Variants in ATP10A observed in about 807,000 individuals in gnomAD.
ATP10A encodes the protein ATPase phospholipid transporting 10A (putative).
Under a neutral mutation model 147.8 loss-of-function variants are expected in ATP10A, and 111 were observed. The observed-to-expected ratio is 0.75, with a 90% CI of 0.64 to 0.88. The LOEUF (loss-of-function observed/expected upper bound fraction) is 0.88. Among genes scored for constraint, ATP10A ranks in the 40% least tolerant of loss-of-function variants. The probability of loss-of-function intolerance (pLI) is 0.00; values close to 1 mark genes in which losing one functional copy is unlikely to be tolerated. For missense variants in ATP10A, 1,927 were observed against 1,959.0 expected, an observed-to-expected ratio of 0.98 and a Z score of 0.31; for synonymous variants, 875 against 841.6, an observed-to-expected ratio of 1.04 and a Z score of -0.69.
intron 1 of ATP10A, among the ~76,000 whole-genome samples, chr15:25,861,532 T>A (rs1893759268): frequency 6.6e-6 from 1 of 152,136 alleles, no homozygotes; most frequent in Non-Finnish European, 1.5e-5. Flanking sequence ...AAGCTATGAG[T>A]GCCTGTGTCT....
rs190796069 is a variant in ATP10A at position 25,761,124 on chromosome 15, C to A, written c.654+19895G>T. Among the ~76,000 whole-genome samples, 10 of 152,292 alleles carry A rather than the reference C, an allele frequency of 6.6e-5. No individual in the cohort carries two copies. The East Asian group carries it at 1.7e-3, about 26-fold the overall frequency. On this transcript the variant is annotated intron_variant, in intron 2 of 20. Coordinates refer to ENST00000555815, the MANE Select transcript of ATP10A (RefSeq NM_024490.4). ...AAAAGAAATAAACTATGAATACCTA[C>A]AACTTGGATAAATCTCAAAATATTT...
chr15:25,695,456 G>A (rs919650267), intron 13 of ATP10A, among the ~76,000 whole-genome samples: 20 of 151,982 alleles, frequency 1.3e-4, no homozygotes, highest in African/African-American at 4.6e-4. Context: ...GTGAAACCCC[G>A]TCTCTACTAA....
intron 1 of ATP10A, among the ~76,000 whole-genome samples, chr15:25,829,156 T>G (rs1892245612): frequency 6.6e-6 from 1 of 152,134 alleles, no homozygotes. Flanking sequence ...ATTAAAATAA[T>G]GTGGTGAAAA....
intron 3 of ATP10A, 35 bp from the exon 4 acceptor site, chr15:25,727,301 G>T: frequency 6.5e-7 from 1 of 1,538,168 alleles, no homozygotes; most frequent in Non-Finnish European, 9.0e-7. Flanking sequence ...TCACGTGGTT[G>T]CAGGCCTGTG....
intron 2 of ATP10A, among the ~76,000 whole-genome samples, chr15:25,780,283 C>T (rs1029123361): frequency 6.6e-6 from 1 of 152,244 alleles, no homozygotes; most frequent in Admixed American, 6.5e-5. Context: ...CCGACTCAGA[C>T]TTGCTGTCTA....
chr15:25,706,831 A>G lies in ATP10A; in HGVS notation c.2575+1145T>C, dbSNP rs537259063. Among the ~76,000 whole-genome samples, 29 of 152,350 alleles carry G rather than the reference A, an allele frequency of 1.9e-4. No homozygotes were observed. In the South Asian group the frequency reaches 6.0e-3, roughly 32 times the overall value. On this transcript the variant is annotated intron_variant, in intron 12 of 20. Transcript: ENST00000555815. ...TGAAGGGTTAAAAACAAGCCTGGTC[A>G]ATGAGGCTGGGCGGGCACGTCTGGG... is the stretch of plus-strand genomic sequence containing the variant.
At position 25,713,926 on chromosome 15, in the gene ATP10A, G is replaced by C; in HGVS notation, c.2092C>G (p.Pro698Ala). ...GCATACACCAGTGCGGCCTCATCCG[G>C]GCTCTCCGCCTCGTACCGCAGCTCG... is the stretch of plus-strand genomic sequence containing the variant. ...ERELRYEAES[P>A]DEAALVYAAR... Residue 698 changes from proline to alanine, a missense_variant, in exon 10 of 21, where the codon CCG (proline) becomes GCG (alanine). Transcript: ENST00000555815. 1 of 1,612,458 alleles carries C rather than the reference G, an allele frequency of 6.2e-7. No homozygotes were observed. Among genetic ancestry groups the C allele is most frequent in the Non-Finnish European group, 8.5e-7 (1 of 1,180,022 alleles).
downstream of ATP10A, among the ~76,000 whole-genome samples, chr15:25,676,339 C>T (rs1168432278): frequency 1.3e-5 from 2 of 152,238 alleles, no homozygotes; most frequent in Admixed American, 6.5e-5. Flanking sequence ...GCACTTTGCA[C>T]CTCTCCCCGC....
At chr15:25,705,451 A>AGC (rs1900924081) in intron 12 of ATP10A, among the ~76,000 whole-genome samples, 2 of 13,652 alleles carry the variant, frequency 1.5e-4, no homozygotes, top group South Asian at 0.011. Flanking sequence ...AAAAAAAAAA[A>AGC]AACAAAAAAA....
At chr15:25,760,708 C>T (rs889899017) in intron 2 of ATP10A, among the ~76,000 whole-genome samples, 2 of 152,138 alleles carry the variant, frequency 1.3e-5, no homozygotes, top group Non-Finnish European at 2.9e-5. Context: ...GAGCTGGGCA[C>T]GGTGGCTCAT....
At chr15:25,739,409 G>A (rs1337052188) in intron 2 of ATP10A, among the ~76,000 whole-genome samples, 2 of 152,118 alleles carry the variant, frequency 1.3e-5, no homozygotes, top group Non-Finnish European at 2.9e-5. Context: ...AATCAGGAGC[G>A]AGCCCGGGGA....
chr15:25,676,947 G>A (rs1270941161), downstream of ATP10A, among the ~76,000 whole-genome samples: 1 of 151,912 alleles, frequency 6.6e-6, no homozygotes, highest in Non-Finnish European at 1.5e-5. Flanking sequence ...AGTGTTTCAG[G>A]ATTACCACTC....
chr15:25,732,700 C>T (rs4243753), intron 3 of ATP10A, among the ~76,000 whole-genome samples: 144,321 of 151,230 alleles, frequency 0.95, 69,207 homozygotes, highest in East Asian at 1. Flanking sequence ...GGACTACAGG[C>T]GCCCTCCATG....
chr15:25,843,543 C>A (rs181858651), intron 1 of ATP10A, among the ~76,000 whole-genome samples: 76 of 152,216 alleles, frequency 5.0e-4, no homozygotes, highest in African/African-American at 1.8e-3. Context: ...TCATTTGCAT[C>A]CCGCATCACA....
chr15:25,794,709 C>T (rs537808327), intron 1 of ATP10A, among the ~76,000 whole-genome samples: 1 of 152,300 alleles, frequency 6.6e-6, no homozygotes, highest in Admixed American at 6.5e-5. Context: ...GGTAATATTC[C>T]GAGAATGGAT....
In ATP10A at chr15:25,689,466, C is replaced by T. The variant is rs115480892; in HGVS notation, c.3166-1638G>A. 5.1e-3 allele frequency among the ~76,000 whole-genome samples: 770 copies of T among 152,260 alleles called. 4 individuals are homozygous for T. Among genetic ancestry groups the T allele is most frequent in the African/African-American group, 0.017 (713 of 41,548 alleles). The stretch of plus-strand genomic sequence containing the variant: ...CTGAGCTGGGGAGTGCCTGCTCCTC[C>T]TGCCTGATCCTCCACGGCTCAGCTC... On this transcript the variant is annotated intron_variant, in intron 15 of 20. Coordinates refer to ENST00000555815, the MANE Select transcript of ATP10A (RefSeq NM_024490.4).
intron 1 of ATP10A, among the ~76,000 whole-genome samples, chr15:25,816,124 CTT>C (rs10536147): frequency 0.16 from 23,661 of 151,198 alleles, 2,020 homozygotes; most frequent in Middle Eastern, 0.29. Flanking sequence ...ATATTTGAAA[CTT>C]AGAATTTAAA....
At chr15:25,724,855 A>T (rs1902447442) in intron 5 of ATP10A, among the ~76,000 whole-genome samples, 1 of 152,254 alleles carries the variant, frequency 6.6e-6, no homozygotes, top group African/African-American at 2.4e-5. Context: ...GGATTCAACC[A>T]ACCATGGACC....
chr15:25,773,892 G>A (rs17637194), intron 2 of ATP10A, among the ~76,000 whole-genome samples: 24,005 of 151,676 alleles, frequency 0.16, 2,000 homozygotes, highest in Non-Finnish European at 0.18. Flanking sequence ...TGTTAACTGC[G>A]TCGATCTCAC....
Sources: gnomAD v4.1 joint callset for allele counts (sites outside exome capture counted in the v4.1 genomes callset) on GRCh38, gnomAD v4.1.1 for gene constraint, MANE v1.5 for transcripts, NCBI Gene and HGNC (gene_info 2026-07-23, HGNC 2026-07-21) for gene names.